Variants in SRD5A2 observed in about 807,000 individuals in gnomAD.
The protein encoded by SRD5A2 is steroid 5 alpha-reductase 2, also known as 3-oxo-5-alpha-steroid 4-dehydrogenase 2.
SRD5A2 carries 30 observed loss-of-function variants against 27.4 expected under a neutral mutation model. The ratio of observed to expected loss-of-function variants is 1.10; its 90% CI spans 0.82 to 1.49. The LOEUF is 1.49. Among genes scored for constraint, SRD5A2 ranks in the 40% most tolerant of loss-of-function variants. The pLI is 0.00. For missense variants in SRD5A2, 348 were observed against 323.4 expected, an observed-to-expected ratio of 1.08 and a Z score of -0.58; for synonymous variants, 141 against 133.6, an observed-to-expected ratio of 1.06 and a Z score of -0.38.
At chr2:31,627,491 T>A in the SRD5A2 span, among the ~76,000 whole-genome samples, 51 of 151,984 alleles carry the variant, frequency 3.4e-4, no homozygotes, top group Non-Finnish European at 5.7e-4. Flanking sequence ...TGATTTTGGT[T>A]ATTTCTTGTC....
At chr2:31,580,220 G>C (rs889119334) in intron 1 of SRD5A2, among the ~76,000 whole-genome samples, 14 of 152,192 alleles carry the variant, frequency 9.2e-5, no homozygotes, top group Admixed American at 4.6e-4. Context: ...GGAAGAAAGG[G>C]AAGCGGGGCG....
intron 1 of SRD5A2, among the ~76,000 whole-genome samples, chr2:31,570,157 G>A (rs1048443150): frequency 6.6e-6 from 1 of 152,090 alleles, no homozygotes; most frequent in Admixed American, 6.5e-5. Flanking sequence ...TAATCTGGTA[G>A]GACATCAAAA....
At chr2:31,572,479 G>A (rs539594619) in intron 1 of SRD5A2, among the ~76,000 whole-genome samples, 1 of 152,100 alleles carries the variant, frequency 6.6e-6, no homozygotes, top group Non-Finnish European at 1.5e-5. Context: ...ACAAAAGACA[G>A]TTAAGAGAAT....
the SRD5A2 span, among the ~76,000 whole-genome samples, chr2:31,660,326 C>G: frequency 6.6e-6 from 1 of 151,962 alleles, no homozygotes; most frequent in Admixed American, 6.6e-5. Flanking sequence ...CTATAACAAC[C>G]CTAACTGGAA....
the SRD5A2 span, among the ~76,000 whole-genome samples, chr2:31,631,777 G>A: frequency 1.3e-5 from 2 of 152,194 alleles, no homozygotes; most frequent in Non-Finnish European, 2.9e-5. Context: ...TCAGGTCAAT[G>A]ATAGGATGAC....
the SRD5A2 span, among the ~76,000 whole-genome samples, chr2:31,611,539 A>G: frequency 6.6e-5 from 10 of 152,226 alleles, no homozygotes; most frequent in Non-Finnish European, 1.5e-4. Flanking sequence ...CAAAAGACTT[A>G]AAAAGATAAC....
At position 31,533,780 on chromosome 2, in the gene SRD5A2, G is replaced by A. The variant is rs1276688480; in HGVS notation, c.282-14C>T. 6.3e-7 allele frequency: 1 copy of A among 1,597,694 alleles called. No homozygotes were observed. Among genetic ancestry groups the A allele is most frequent in the Admixed American group, 1.7e-5 (1 of 57,944 alleles). ...TACACAAATGTCCTGGGACACACAG[G>A]GAGGAAAGGTTAGGATTCACTGTTA... On this transcript the variant is annotated splice_polypyrimidine_tract_variant and intron_variant, in intron 1 of 4. Transcript: ENST00000622030.
chr2:31,602,165 A>C, the SRD5A2 span, among the ~76,000 whole-genome samples: 1 of 152,090 alleles, frequency 6.6e-6, no homozygotes, highest in Non-Finnish European at 1.5e-5. Flanking sequence ...AGAAAACCCC[A>C]TTGTCTCAGC....
chr2:31,583,035 C>G (rs533744963), upstream of SRD5A2, among the ~76,000 whole-genome samples: 8 of 152,298 alleles, frequency 5.3e-5, no homozygotes, highest in South Asian at 1.7e-3. Flanking sequence ...TAACAATTAG[C>G]TTGATAAAAC....
chr2:31,524,245 GCTCAAGCTACAC>G lies in SRD5A2; in HGVS notation c.*1939_*1950del, dbSNP rs1665725281. ...AACTGGAAGTCTTTTATGTCACAGA[GCTCAAGCTACAC>G]CTGAAGATTTACTTCACCAAGTGTG... On this transcript the variant is annotated 3_prime_UTR_variant, in exon 5 of 5. Coordinates refer to ENST00000622030, the MANE Select transcript of SRD5A2 (RefSeq NM_000348.4). 4.4e-6 allele frequency: 1 copy of G among 226,692 alleles called. No individual in the cohort carries two copies. The highest frequency in any genetic ancestry group is 2.2e-5 in the African/African-American group (1 of 45,016). The allele number at this position is 226,692 out of a possible 1,614,324, so 14.0% of individuals were successfully genotyped here.
the SRD5A2 span, among the ~76,000 whole-genome samples, chr2:31,616,995 T>A: frequency 1.3e-5 from 2 of 152,126 alleles, no homozygotes; most frequent in South Asian, 4.1e-4. Flanking sequence ...AGTGAATAAG[T>A]CTTATGAGAT....
the SRD5A2 span, among the ~76,000 whole-genome samples, chr2:31,661,221 A>G: frequency 1.3e-5 from 2 of 152,172 alleles, no homozygotes; most frequent in Non-Finnish European, 2.9e-5. Context: ...TGAACATACC[A>G]TTTCCATTTG....
At chr2:31,657,511 C>T in the SRD5A2 span, among the ~76,000 whole-genome samples, 4 of 152,178 alleles carry the variant, frequency 2.6e-5, no homozygotes, top group Non-Finnish European at 1.5e-5. Flanking sequence ...CTTCCTCAGG[C>T]TCCCAAAGCA....
the SRD5A2 span, among the ~76,000 whole-genome samples, chr2:31,614,282 CA>C: frequency 6.6e-6 from 1 of 152,136 alleles, no homozygotes; most frequent in Non-Finnish European, 1.5e-5. Flanking sequence ...AGAAATTATC[CA>C]AAACACAGGG....
At chr2:31,560,284 A>T (rs1666595081) in intron 1 of SRD5A2, among the ~76,000 whole-genome samples, 1 of 152,120 alleles carries the variant, frequency 6.6e-6, no homozygotes, top group South Asian at 2.1e-4. Context: ...TGATGTAAGC[A>T]TCTAGATAGA....
intron 1 of SRD5A2, among the ~76,000 whole-genome samples, chr2:31,572,771 T>C (rs996765947): frequency 1.3e-5 from 2 of 152,168 alleles, no homozygotes; most frequent in African/African-American, 4.8e-5. Flanking sequence ...AACCAGAGTC[T>C]ATACATGAAA....
At chr2:31,563,890 T>C (rs1248967898) in intron 1 of SRD5A2, among the ~76,000 whole-genome samples, 1 of 152,110 alleles carries the variant, frequency 6.6e-6, no homozygotes, top group African/African-American at 2.4e-5. Context: ...TTAACACTCT[T>C]CTGGAACCAC....
intron 1 of SRD5A2, among the ~76,000 whole-genome samples, chr2:31,556,790 G>A (rs1666503543): frequency 6.6e-6 from 1 of 152,188 alleles, no homozygotes; most frequent in Non-Finnish European, 1.5e-5. Flanking sequence ...AGCAGTCACA[G>A]GAAGTTAATA....
At chr2:31,617,140 T>C in the SRD5A2 span, among the ~76,000 whole-genome samples, 2 of 152,096 alleles carry the variant, frequency 1.3e-5, no homozygotes. Context: ...GTAAGTCCAT[T>C]AAACCTTTTT....
Sources: allele counts gnomAD v4.1 joint callset (sites outside exome capture counted in the v4.1 genomes callset), GRCh38; gene constraint gnomAD v4.1.1; transcripts MANE v1.5; gene names NCBI Gene and HGNC (gene_info 2026-07-23, HGNC 2026-07-21).